Variants in TBC1D5 observed in about 807,000 individuals in gnomAD.
TBC1D5 encodes the protein TBC1 domain family member 5.
A neutral mutation model predicts 100.3 loss-of-function variants in TBC1D5; 75 were observed. The observed-to-expected ratio is 0.75, with a 90% CI of 0.62 to 0.91. The LOEUF is 0.91. TBC1D5 is among the 40% of genes least tolerant of loss of function. The pLI is 0.00. For synonymous variants in TBC1D5, 323 were observed against 325.6 expected, an observed-to-expected ratio of 0.99 and a Z score of 0.09; for missense variants, 910 against 942.4, an observed-to-expected ratio of 0.97 and a Z score of 0.45.
At chr3:17,253,579 A>C (rs2077357506) in intron 16 of TBC1D5, among the ~76,000 whole-genome samples, 1 of 152,216 alleles carries the variant, frequency 6.6e-6, no homozygotes, top group Non-Finnish European at 1.5e-5. Context: ...ACCATCCCAA[A>C]TAATATACCT....
At chr3:17,462,684 C>T (rs2095236761) in intron 3 of TBC1D5, among the ~76,000 whole-genome samples, 1 of 152,068 alleles carries the variant, frequency 6.6e-6, no homozygotes, top group Non-Finnish European at 1.5e-5. Flanking sequence ...GGAAAGTTCA[C>T]CTGGGTTCCT....
At chr3:17,437,077 A>C (rs1273125789) in intron 3 of TBC1D5, among the ~76,000 whole-genome samples, 1 of 152,172 alleles carries the variant, frequency 6.6e-6, no homozygotes, top group Non-Finnish European at 1.5e-5. Context: ...GTTGGTTATA[A>C]AATAGCTTAA....
At chr3:17,656,074 G>A (rs1277634452) in intron 1 of TBC1D5, among the ~76,000 whole-genome samples, 2 of 152,164 alleles carry the variant, frequency 1.3e-5, no homozygotes, top group East Asian at 3.9e-4. Context: ...CCTTTGCCTA[G>A]AACATCTTTC....
chr3:17,458,486 G>GT (rs2095137517), intron 3 of TBC1D5, among the ~76,000 whole-genome samples: 1 of 152,142 alleles, frequency 6.6e-6, no homozygotes, highest in Non-Finnish European at 1.5e-5. Context: ...GGTTCCCTCT[G>GT]TATTTGTGGC....
rs192160689 is a variant in TBC1D5, at chr3:17,418,879, G to T, written c.167+9571C>A. 1.2e-4 allele frequency among the ~76,000 whole-genome samples: 18 copies of T among 152,294 alleles called. No individual in the cohort carries two copies. The East Asian group carries it at 2.5e-3, about 21-fold the overall frequency. ...AGTACAGTTGGCCCTCCATACATGA[G>T]ATTCCGCATTCATGGTTTATACCAA... On this transcript the variant is annotated intron_variant, in intron 4 of 21. Transcript: ENST00000253692.
At chr3:17,601,783 T>C (rs1390522877) in intron 2 of TBC1D5, among the ~76,000 whole-genome samples, 1 of 152,230 alleles carries the variant, frequency 6.6e-6, no homozygotes, top group Non-Finnish European at 1.5e-5. Flanking sequence ...TAGGCATTGT[T>C]AAGTAAACTA....
At chr3:17,573,622 C>G (rs1281944989) in intron 2 of TBC1D5, among the ~76,000 whole-genome samples, 3 of 152,018 alleles carry the variant, frequency 2.0e-5, no homozygotes, top group Non-Finnish European at 4.4e-5. Context: ...AAACTACTTG[C>G]AGTTCCTCAA....
chr3:17,371,615 G>A (rs2092463401), intron 13 of TBC1D5, among the ~76,000 whole-genome samples: 1 of 152,180 alleles, frequency 6.6e-6, no homozygotes, highest in Admixed American at 6.5e-5. Flanking sequence ...ACAGGTGAAA[G>A]TGATAAGCAC....
chr3:17,283,347 A>G (rs2080813927), intron 15 of TBC1D5, among the ~76,000 whole-genome samples: 2 of 152,214 alleles, frequency 1.3e-5, no homozygotes, highest in Admixed American at 6.5e-5. Flanking sequence ...TTGGAGATCT[A>G]GTACCTGATG....
chr3:17,723,815 A>G (rs1241174145), intron 1 of TBC1D5, among the ~76,000 whole-genome samples: 1 of 152,144 alleles, frequency 6.6e-6, no homozygotes, highest in African/African-American at 2.4e-5. Flanking sequence ...TTAGTAGTTA[A>G]GTTTGAGGGA....
intron 18 of TBC1D5, among the ~76,000 whole-genome samples, chr3:17,189,346 G>A (rs1479120886): frequency 2.0e-5 from 3 of 152,136 alleles, no homozygotes; most frequent in South Asian, 2.1e-4. Context: ...GCCCATCACC[G>A]TCTTAAGCAT....
intron 3 of TBC1D5, among the ~76,000 whole-genome samples, chr3:17,451,917 C>T (rs1022886470): frequency 4.0e-5 from 6 of 150,994 alleles, no homozygotes; most frequent in Admixed American, 2.6e-4. Flanking sequence ...AGCGAGACTC[C>T]GTCAAAAAAG....
At chr3:17,338,535 T>G (rs1386674313) in intron 13 of TBC1D5, 5 of 152,174 alleles carry the variant, frequency 3.3e-5, no homozygotes, top group Admixed American at 3.3e-4. Context: ...CCCTCTTCAT[T>G]AGAACACTGT....
chr3:17,294,089 T>A (rs568079570), intron 14 of TBC1D5, among the ~76,000 whole-genome samples: 23 of 152,346 alleles, frequency 1.5e-4, no homozygotes, highest in African/African-American at 5.3e-4. Context: ...AGAGACATAA[T>A]GGATGCATAT....
At chr3:17,682,212 C>T (rs2069589086) in intron 1 of TBC1D5, among the ~76,000 whole-genome samples, 1 of 150,962 alleles carries the variant, frequency 6.6e-6, no homozygotes, top group African/African-American at 2.5e-5. Context: ...TTTGGGAGGC[C>T]AAGACAGGAG....
chr3:17,394,807 G>A (rs904386047), intron 8 of TBC1D5, among the ~76,000 whole-genome samples: 1 of 152,030 alleles, frequency 6.6e-6, no homozygotes, highest in Non-Finnish European at 1.5e-5. Flanking sequence ...GCAATCGGGC[G>A]CTAGGGATAT....
In TBC1D5 at chr3:17,669,648, AC is replaced by A. The variant is rs551382835; in HGVS notation, c.-100-45736del. On this transcript the variant is annotated intron_variant, in intron 1 of 21. Coordinates refer to ENST00000253692, the Ensembl canonical transcript of TBC1D5. ...TCTTATAGGGCTGTCATATTAAAAT[AC>A]GTTAATACATATAAAAATGCTAAAA... Among the ~76,000 whole-genome samples the A allele has an allele frequency of 7.9e-5, 12 of 152,334 alleles. No individual in the cohort carries two copies. In the East Asian group the frequency reaches 2.3e-3, roughly 29 times the overall value.
Position 17,372,070 on chromosome 3 carries a change from C to T in TBC1D5, c.995+5G>A. 1 of 1,165,936 alleles carries T rather than the reference C, an allele frequency of 8.6e-7. No individual in the cohort carries two copies. Among genetic ancestry groups the T allele is most frequent in the South Asian group, 1.4e-5 (1 of 70,768 alleles). 72.2% of individuals were successfully genotyped at this position (1,165,936 alleles called of 1,614,324 possible). On this transcript the variant is annotated splice_donor_5th_base_variant and intron_variant, in intron 13 of 21. Coordinates refer to ENST00000253692, the Ensembl canonical transcript of TBC1D5. The stretch of plus-strand genomic sequence containing the variant: ...AACAAACAAACAAAGAACTTTAATA[C>T]TTACAACCCATATATCTGTGGTGCA...
At chr3:17,214,429 A>G (rs2073378357) in intron 17 of TBC1D5, 59 bp from the exon 19 acceptor site, 4 of 1,534,372 alleles carry the variant, frequency 2.6e-6, no homozygotes, top group Non-Finnish European at 3.5e-6. Context: ...AAGCTATTCG[A>G]TCTACTGTTT....
Sources: gnomAD v4.1 joint callset for allele counts (sites outside exome capture counted in the v4.1 genomes callset) on GRCh38, gnomAD v4.1.1 for gene constraint, MANE v1.5 for transcripts, NCBI Gene and HGNC (gene_info 2026-07-23, HGNC 2026-07-21) for gene names.